CNTNAP2: variants seen among roughly 807,000 people sequenced by gnomAD.
CNTNAP2 encodes contactin-associated protein-like 2.
In CNTNAP2, 98 loss-of-function variants were observed where a neutral mutation model predicts 155.2. That is an observed-to-expected ratio of 0.63 (90% CI 0.54 to 0.75). The LOEUF is 0.75. Among genes scored for constraint, CNTNAP2 ranks in the 30% least tolerant of loss-of-function variants. CNTNAP2 has a pLI of 0.00. For missense variants in CNTNAP2, 1,727 were observed against 1,688.1 expected (o/e 1.02, Z -0.40); for synonymous variants, 651 against 631.2 (o/e 1.03, Z -0.47).
chr7:148,408,255 G>A (rs1033910529), intron 22 of CNTNAP2, among the ~76,000 whole-genome samples: 12 of 151,468 alleles, frequency 7.9e-5, no homozygotes, highest in African/African-American at 1.7e-4. Context: ...TCCCCACACT[G>A]CCCCCGCCCC....
chr7:147,914,834 G>C (rs1301722835), intron 14 of CNTNAP2, among the ~76,000 whole-genome samples: 1 of 152,138 alleles, frequency 6.6e-6, no homozygotes, highest in Non-Finnish European at 1.5e-5. Flanking sequence ...TTACAGTTGT[G>C]AGCCACTGTG....
intron 1 of CNTNAP2, among the ~76,000 whole-genome samples, chr7:146,234,643 G>C (rs2116919075): frequency 6.6e-6 from 1 of 151,898 alleles, no homozygotes; most frequent in South Asian, 2.1e-4. Flanking sequence ...TTTTGTATAA[G>C]GTGTAAGGAA....
chr7:147,829,364 C>T (rs544208728), intron 13 of CNTNAP2, among the ~76,000 whole-genome samples: 18 of 152,254 alleles, frequency 1.2e-4, no homozygotes, highest in Admixed American at 2.6e-4. Context: ...GAAATTAATA[C>T]GAGCTCACAC....
intron 3 of CNTNAP2, among the ~76,000 whole-genome samples, chr7:146,856,735 G>A (rs898638027): frequency 6.6e-6 from 1 of 152,144 alleles, no homozygotes; most frequent in South Asian, 2.1e-4. Flanking sequence ...CGTGCATGTA[G>A]TGTCCCATGA....
At chr7:148,083,395 C>T (rs1803654101) in intron 15 of CNTNAP2, among the ~76,000 whole-genome samples, 1 of 152,086 alleles carries the variant, frequency 6.6e-6, no homozygotes, top group Admixed American at 6.6e-5. Flanking sequence ...AGCATGAACA[C>T]ATTTGTAAGG....
intron 1 of CNTNAP2, among the ~76,000 whole-genome samples, chr7:146,550,178 G>T (rs963721279): frequency 2.0e-5 from 3 of 151,894 alleles, no homozygotes; most frequent in African/African-American, 7.3e-5. Flanking sequence ...CTGAATTTTT[G>T]CACAAACCTT....
intron 15 of CNTNAP2, among the ~76,000 whole-genome samples, chr7:147,997,556 C>CAAAA (rs34678249): frequency 2.5e-4 from 33 of 131,886 alleles, no homozygotes; most frequent in African/African-American, 8.5e-4. Flanking sequence ...AACTCTGTCT[C>CAAAA]AAAAAAAAAA....
intron 8 of CNTNAP2, among the ~76,000 whole-genome samples, chr7:147,288,634 A>C (rs1371708546): frequency 1.3e-5 from 2 of 152,224 alleles, no homozygotes; most frequent in African/African-American, 4.8e-5. Flanking sequence ...AGTAGTTTGC[A>C]GTTACTCATG....
At chr7:148,022,412 T>G (rs143808060) in intron 15 of CNTNAP2, among the ~76,000 whole-genome samples, 1,539 of 146,368 alleles carry the variant, frequency 0.011, 26 homozygotes, top group African/African-American at 0.036. Context: ...GAAGTTGCAG[T>G]GAGCCGAGAT....
chr7:146,782,991 A>C (rs1325038926), intron 2 of CNTNAP2, among the ~76,000 whole-genome samples: 1 of 152,192 alleles, frequency 6.6e-6, no homozygotes, highest in Non-Finnish European at 1.5e-5. Context: ...ATATTATCAT[A>C]ATAATTTAAA....
chr7:146,399,081 C>T (rs554636700), intron 1 of CNTNAP2, among the ~76,000 whole-genome samples: 18,673 of 151,752 alleles, frequency 0.12, 1,600 homozygotes, highest in African/African-American at 0.24. Context: ...GACAAATAAA[C>T]ATATATATTT....
At chr7:146,551,851 A>T (rs375578644) in intron 1 of CNTNAP2, among the ~76,000 whole-genome samples, 42 of 151,226 alleles carry the variant, frequency 2.8e-4, no homozygotes, top group Middle Eastern at 6.8e-3. Flanking sequence ...TTCTCCTTCC[A>T]TTTCTCCCCA....
At chr7:147,723,435 A>G (rs1413948059) in intron 13 of CNTNAP2, among the ~76,000 whole-genome samples, 1 of 152,056 alleles carries the variant, frequency 6.6e-6, no homozygotes, top group Non-Finnish European at 1.5e-5. Flanking sequence ...AATAAGACTC[A>G]GACAAGCACA....
chr7:147,616,287 C>G (rs1326530117), intron 12 of CNTNAP2, among the ~76,000 whole-genome samples: 1 of 152,150 alleles, frequency 6.6e-6, no homozygotes, highest in Non-Finnish European at 1.5e-5. Flanking sequence ...TCCACTCTTG[C>G]CCTGCTACTA....
chr7:146,963,621 C>T (rs111852786), intron 3 of CNTNAP2, among the ~76,000 whole-genome samples: 6,006 of 151,610 alleles, frequency 0.04, 141 homozygotes, highest in Middle Eastern at 0.086. Flanking sequence ...TTTGACAGCA[C>T]GATGTATAGT....
chr7:147,672,501 G>A (rs910539320), intron 13 of CNTNAP2: 1 of 152,158 alleles, frequency 6.6e-6, no homozygotes, highest in Non-Finnish European at 1.5e-5. Context: ...GTGGAATCCA[G>A]GAAGAAAATT....
At chr7:147,060,394 AC>A (rs1297624484) in intron 4 of CNTNAP2, among the ~76,000 whole-genome samples, 1 of 152,216 alleles carries the variant, frequency 6.6e-6, no homozygotes, top group African/African-American at 2.4e-5. Flanking sequence ...AATTGTTAAT[AC>A]AGATCAATAT....
At chr7:147,128,273 T>C (rs1458730762) in intron 6 of CNTNAP2, among the ~76,000 whole-genome samples, 3 of 152,204 alleles carry the variant, frequency 2.0e-5, no homozygotes, top group Admixed American at 1.3e-4. Flanking sequence ...TGCAGTTTTA[T>C]CAGCTTATTA....
intron 21 of CNTNAP2, among the ~76,000 whole-genome samples, chr7:148,359,322 G>A (rs1177948): frequency 0.32 from 49,120 of 152,160 alleles, 8,484 homozygotes; most frequent in Non-Finnish European, 0.39. Context: ...ACTAGTACTT[G>A]CTACAGTTGC....
Sources: allele counts gnomAD v4.1 joint callset (sites outside exome capture counted in the v4.1 genomes callset), GRCh38; gene constraint gnomAD v4.1.1; transcripts MANE v1.5; gene names NCBI Gene and HGNC (gene_info 2026-07-23, HGNC 2026-07-21).